The following TPD52 variants were observed in gnomAD, a reference collection of about 807,000 sequenced individuals.
TPD52 encodes the protein tumor protein D52, also known as prostate and colon associated protein.
A neutral mutation model predicts 31.3 loss-of-function variants in TPD52; 17 were observed. That is an observed-to-expected ratio of 0.54 (90% CI 0.37 to 0.82). The LOEUF is 0.82. Among genes scored for constraint, TPD52 ranks in the 40% least tolerant of loss-of-function variants. The pLI is 0.00. For synonymous variants in TPD52, 83 were observed against 89.6 expected (o/e 0.93, Z 0.42); for missense variants, 212 against 240.1 (o/e 0.88, Z 0.77).
chr8:80,061,379 C>A (rs1161792283), intron 2 of TPD52, among the ~76,000 whole-genome samples: 11 of 120,990 alleles, frequency 9.1e-5, no homozygotes, highest in East Asian at 3.0e-4. Flanking sequence ...CCCCCACCGC[C>A]CCCCCCAAAA....
At chr8:80,095,993 C>T (rs565502457) in intron 1 of TPD52, among the ~76,000 whole-genome samples, 9 of 152,132 alleles carry the variant, frequency 5.9e-5, no homozygotes, top group East Asian at 3.9e-4. Context: ...CAGTGGCTCA[C>T]GCCTCCAAGC....
chr8:80,114,586 G>T (rs141649403), intron 1 of TPD52, among the ~76,000 whole-genome samples: 1 of 152,106 alleles, frequency 6.6e-6, no homozygotes, highest in African/African-American at 2.4e-5. Flanking sequence ...ATCCAAGCAC[G>T]CTCTCAGGGA....
intron 1 of TPD52, among the ~76,000 whole-genome samples, chr8:80,141,572 AC>A (rs1351970596): frequency 1.3e-5 from 2 of 152,130 alleles, no homozygotes; most frequent in African/African-American, 2.4e-5. Context: ...CAGAGCCAGA[AC>A]CACTTTCTTG....
chr8:80,076,828 T>C (rs1814603212), intron 1 of TPD52, among the ~76,000 whole-genome samples: 1 of 152,060 alleles, frequency 6.6e-6, no homozygotes, highest in African/African-American at 2.4e-5. Context: ...TGTGCCACCA[T>C]GCCCGATTAA....
At chr8:80,134,333 G>A (rs1178678584) in intron 1 of TPD52, among the ~76,000 whole-genome samples, 1 of 152,298 alleles carries the variant, frequency 6.6e-6, no homozygotes, top group South Asian at 2.1e-4. Context: ...ACCTTTACAA[G>A]AGGAAAATGG....
At position 80,154,317 on chromosome 8, in the gene TPD52, G is replaced by A. The variant is rs191828577; in HGVS notation, c.19+17108C>T. Reference sequence around the variant, plus strand: ...CCTGTGGAAGAGGCAGGCCCAGCCCGCAGCCTCCCCAAGCTCTAGACACAG... The same window carrying A: ...CCTGTGGAAGAGGCAGGCCCAGCCCACAGCCTCCCCAAGCTCTAGACACAG... On this transcript the variant is annotated intron_variant, in intron 1 of 7. Transcript: ENST00000518937. Among the ~76,000 whole-genome samples the A allele has an allele frequency of 8.2e-4, 125 of 152,262 alleles. 2 individuals carry two copies. The highest frequency in any genetic ancestry group is 3.7e-3 in the Admixed American group (56 of 15,298).
chr8:80,105,729 CTTTT>C (rs57266800), intron 1 of TPD52, among the ~76,000 whole-genome samples: 94 of 112,704 alleles, frequency 8.3e-4, no homozygotes, highest in Non-Finnish European at 1.1e-3. Flanking sequence ...CCCAGGTCTG[CTTTT>C]TTTTTTTTTT....
rs199976735 is a variant in TPD52, at chr8:80,121,889, T to C, written c.19+49536A>G. On this transcript the variant is annotated intron_variant, in intron 1 of 7. Coordinates refer to ENST00000518937, the MANE Select transcript of TPD52 (RefSeq NM_001025253.3). ...TTTCCAGCTGAGTTCCTACAGCTAG[T>C]AGTAATAAGACACAGTAAAAGGGTT... Among the ~76,000 whole-genome samples, 16 of 152,302 alleles carry C rather than the reference T, an allele frequency of 1.1e-4. No individual in the cohort carries two copies. In the East Asian group the frequency reaches 2.9e-3, roughly 28 times the overall value.
chr8:80,081,313 C>A (rs117713904), intron 1 of TPD52, among the ~76,000 whole-genome samples: 1 of 151,994 alleles, frequency 6.6e-6, no homozygotes, highest in African/African-American at 2.4e-5. Context: ...ACCTGCGTAC[C>A]CACCCTGCAG....
chr8:80,119,722 C>A, intron 1 of TPD52: 1 of 187,940 alleles, frequency 5.3e-6, no homozygotes. Flanking sequence ...TTTAAAACCA[C>A]ACAGTACTGG....
At chr8:80,147,714 C>T (rs1209475869) in intron 1 of TPD52, among the ~76,000 whole-genome samples, 1 of 152,118 alleles carries the variant, frequency 6.6e-6, no homozygotes, top group Non-Finnish European at 1.5e-5. Context: ...AAAGGGAGCT[C>T]TGAGACCTAT....
At chr8:80,084,331 A>G (rs1815565739) in intron 1 of TPD52, among the ~76,000 whole-genome samples, 1 of 152,220 alleles carries the variant, frequency 6.6e-6, no homozygotes, top group Non-Finnish European at 1.5e-5. Flanking sequence ...CCTTGTTCAC[A>G]GGGACTGGCC....
chr8:80,112,224 C>T (rs937012178), intron 1 of TPD52, among the ~76,000 whole-genome samples: 2 of 152,210 alleles, frequency 1.3e-5, no homozygotes, highest in African/African-American at 4.8e-5. Flanking sequence ...AGTGCTCTAG[C>T]ACTTCACATA....
chr8:80,070,937 C>T (rs2130747498), intron 1 of TPD52, among the ~76,000 whole-genome samples: 1 of 152,210 alleles, frequency 6.6e-6, no homozygotes, highest in Middle Eastern at 3.4e-3. Flanking sequence ...GAACTCTAAT[C>T]CAATGGTTCA....
chr8:80,125,591 T>C (rs1237876351), intron 1 of TPD52, among the ~76,000 whole-genome samples: 1 of 152,132 alleles, frequency 6.6e-6, no homozygotes. Flanking sequence ...CTACTGCAGT[T>C]CATTCAACCT....
intron 1 of TPD52, among the ~76,000 whole-genome samples, chr8:80,102,339 C>A (rs1056436693): frequency 1.3e-5 from 2 of 152,202 alleles, no homozygotes; most frequent in African/African-American, 4.8e-5. Flanking sequence ...CTTTATGGAC[C>A]TGATCACTAC....
chr8:80,053,194 T>C lies in TPD52; in HGVS notation c.284+88A>G, dbSNP rs114917923. 311 of 1,440,142 alleles carry C rather than the reference T, an allele frequency of 2.2e-4. No individual in the cohort carries two copies. In the African/African-American group the frequency reaches 4.1e-3, roughly 19 times the overall value. The allele number at this position is 1,440,142 out of a possible 1,614,324, so 89.2% of individuals were successfully genotyped here. On this transcript the variant is annotated intron_variant, in intron 3 of 7. Transcript: ENST00000518937. ...CCAAAGAAAAGCTGCTGAAGCATCC[T>C]TATCCTCTTTTTCTTCCCCTCTCCA...
rs1311590431 is a variant in TPD52, at chr8:80,052,720, A to C, written c.284+562T>G. ...CTGCATTATGATAATGCTATATCAT[A>C]GCATGTGTGGTCAAAAAGACAAAAA... is the stretch of plus-strand genomic sequence containing the variant. On this transcript the variant is annotated intron_variant, in intron 3 of 7. Coordinates refer to ENST00000518937, the MANE Select transcript of TPD52 (RefSeq NM_001025253.3). The C allele has an allele frequency of 3.1e-6, 4 of 1,269,862 alleles. No individual in the cohort carries two copies. The African/African-American group carries it at 6.1e-5, about 19-fold the overall frequency. 78.7% of individuals were successfully genotyped at this position (1,269,862 alleles called of 1,614,324 possible).
chr8:80,156,147 G>A (rs1810959156), intron 1 of TPD52, among the ~76,000 whole-genome samples: 1 of 152,132 alleles, frequency 6.6e-6, no homozygotes, highest in Non-Finnish European at 1.5e-5. Context: ...GAAGACTGAG[G>A]CTAGGGGCAT....
Sources: gnomAD v4.1 joint callset for allele counts (sites outside exome capture counted in the v4.1 genomes callset) on GRCh38, gnomAD v4.1.1 for gene constraint, MANE v1.5 for transcripts, NCBI Gene and HGNC (gene_info 2026-07-23, HGNC 2026-07-21) for gene names.